Variants in METRNL observed in about 807,000 individuals in gnomAD.
The protein encoded by METRNL is meteorin like, glial cell differentiation regulator, also known as meteorin-like protein.
In METRNL, 9 loss-of-function variants were observed where a neutral mutation model predicts 17.4. The ratio of observed to expected loss-of-function variants is 0.52; its 90% CI spans 0.31 to 0.90. The LOEUF is 0.90. Among genes scored for constraint, METRNL ranks in the 40% least tolerant of loss-of-function variants. METRNL has a pLI of 0.05. For synonymous variants in METRNL, 215 were observed against 199.3 expected, an observed-to-expected ratio of 1.08 and a Z score of -0.66; for missense variants, 408 against 430.7, an observed-to-expected ratio of 0.95 and a Z score of 0.47.
intron 2 of METRNL, among the ~76,000 whole-genome samples, chr17:83,088,613 G>A (rs1194069846): frequency 6.6e-6 from 1 of 152,162 alleles, no homozygotes; most frequent in Non-Finnish European, 1.5e-5. Context: ...TGGGAGGGGA[G>A]GGGATGCTGC....
chr17:83,089,749 G>A (rs1316242774), intron 2 of METRNL, among the ~76,000 whole-genome samples: 1 of 152,054 alleles, frequency 6.6e-6, no homozygotes, highest in Non-Finnish European at 1.5e-5. Flanking sequence ...ATTGTCTCCC[G>A]GCGTCCACCG....
chr17:83,093,031 G>T, intron 2 of METRNL, 136 bp from the exon 3 acceptor site: 1 of 669,234 alleles, frequency 1.5e-6, no homozygotes, highest in Non-Finnish European at 2.6e-6. Flanking sequence ...AAGTGGCGTT[G>T]GTCACAAAGG....
intron 3 of METRNL, 99 bp from the exon 4 acceptor site, chr17:83,094,157 G>T: frequency 9.6e-7 from 1 of 1,037,684 alleles, no homozygotes; most frequent in East Asian, 2.7e-5. Context: ...TCAGCTGCCC[G>T]TTCCAGTGCC....
chr17:83,082,788 G>T (rs754585364), intron 1 of METRNL, among the ~76,000 whole-genome samples: 5 of 152,232 alleles, frequency 3.3e-5, no homozygotes, highest in Admixed American at 1.3e-4. Context: ...CTCGGACTTC[G>T]TGCCGAGGTC....
rs374882184 is a variant in METRNL at position 83,093,151 on chromosome 17, T to C, written c.557-16T>C. ...TCCCGTCCAGGCTGCTTCCTGACTC[T>C]GCCTTTCTTCTCCAGCGCCGTGCCG... On this transcript the variant is annotated splice_polypyrimidine_tract_variant and intron_variant, in intron 2 of 3. Coordinates refer to ENST00000320095, the MANE Select transcript of METRNL (RefSeq NM_001004431.3). 59 of 1,605,948 alleles carry C rather than the reference T, an allele frequency of 3.7e-5. No individual in the cohort carries two copies. In the African/African-American group the frequency reaches 7.2e-4, roughly 20 times the overall value.
intron 2 of METRNL, among the ~76,000 whole-genome samples, chr17:83,090,269 CA>C (rs2143643569): frequency 2.9e-5 from 1 of 34,578 alleles, no homozygotes; most frequent in African/African-American, 1.9e-4. Context: ...GAGCCACACA[CA>C]CCCCCGCCCT....
At position 83,085,175 on chromosome 17, in the gene METRNL, C is replaced by T; in HGVS notation, c.408C>T (p.Gly136=). 6.2e-7 allele frequency: 1 copy of T among 1,611,878 alleles called. No individual in the cohort carries two copies. The change falls in exon 2 of 4, where the codon GGC becomes GGT. Residue 136 remains glycine, a synonymous_variant. Transcript: ENST00000320095. ...GACTGCTGGTACCAGACGGGGACGG[C>T]AGGCCCGGCCGGGTGCAGTGTTTTG... The part of the protein sequence containing the change: ...ELRLLVPDGD[G]RPGRVQCFGL...
chr17:83,094,720 C>T lies in METRNL; in HGVS notation c.*145C>T, dbSNP rs559333544. On this transcript the variant is annotated 3_prime_UTR_variant, in exon 4 of 4. Transcript: ENST00000320095. ...CTGACCCTGGTACCGAAGCTGTGGA[C>T]GTTCTCGCCACACTCAACCCCATGA... 2.4e-5 allele frequency: 13 copies of T among 546,932 alleles called. No homozygotes were observed. The highest frequency in any genetic ancestry group is 8.9e-5 in the South Asian group (1 of 11,242). 33.9% of individuals were successfully genotyped at this position (546,932 alleles called of 1,614,324 possible).
intron 2 of METRNL, among the ~76,000 whole-genome samples, chr17:83,091,717 G>A (rs930102544): frequency 1.3e-5 from 2 of 152,198 alleles, no homozygotes; most frequent in Non-Finnish European, 1.5e-5. Flanking sequence ...CAGGGCCGGC[G>A]AACCCCAAGT....
intron 2 of METRNL, among the ~76,000 whole-genome samples, chr17:83,091,456 G>T (rs377253917): frequency 2.3e-4 from 35 of 152,210 alleles, no homozygotes; most frequent in Non-Finnish European, 3.4e-4. Context: ...CCAGTGCACC[G>T]TAGACTCCAG....
In METRNL at chr17:83,094,372, G is replaced by C; in HGVS notation, c.733G>C (p.Glu245Gln). ...QKSRVFEPVP[E>Q]GDGHWQGRVR... is the part of the protein sequence containing the mutation. Reference sequence around the variant, plus strand: ...AAGCAGGGTCTTCGAGCCGGTGCCCGAGGGTGACGGCCACTGGCAGGGGCG... The same window carrying C: ...AAGCAGGGTCTTCGAGCCGGTGCCCCAGGGTGACGGCCACTGGCAGGGGCG... Residue 245 changes from glutamate to glutamine, a missense_variant, in exon 4 of 4, where the codon GAG becomes CAG. Glu to Gln is a conservative substitution (Grantham distance 29). Coordinates refer to ENST00000320095, the MANE Select transcript of METRNL (RefSeq NM_001004431.3). The C allele has an allele frequency of 6.2e-7, 1 of 1,610,878 alleles. No individual in the cohort carries two copies. Among genetic ancestry groups the C allele is most frequent in the Non-Finnish European group, 8.5e-7 (1 of 1,178,538 alleles).
At chr17:83,093,845 C>G (rs1487814613) in intron 3 of METRNL, among the ~76,000 whole-genome samples, 1 of 152,224 alleles carries the variant, frequency 6.6e-6, no homozygotes, top group Admixed American at 6.5e-5. Flanking sequence ...GCTTTCCCGG[C>G]CCCTGGCATG....
In METRNL at chr17:83,092,152, G is replaced by C. The variant is rs142659758; in HGVS notation, c.557-1015G>C. Among the ~76,000 whole-genome samples, 270 of 152,348 alleles carry C rather than the reference G, an allele frequency of 1.8e-3. 1 individual carries two copies. The highest frequency in any genetic ancestry group is 3.1e-3 in the Non-Finnish European group (213 of 68,034). On this transcript the variant is annotated intron_variant, in intron 2 of 3. Transcript: ENST00000320095. ...CCCGCAGGGTTCAGGGGCTTCAGAG[G>C]GGGTTCTGTGAGCAGGGCTTGGCTT... is the stretch of plus-strand genomic sequence containing the variant.
At chr17:83,088,385 G>T (rs1040557388) in intron 2 of METRNL, among the ~76,000 whole-genome samples, 3 of 152,222 alleles carry the variant, frequency 2.0e-5, no homozygotes. Flanking sequence ...GTGGGTGGGG[G>T]CTGTCTGGTT....
chr17:83,088,754 C>T (rs1395630427), intron 2 of METRNL, among the ~76,000 whole-genome samples: 1 of 152,066 alleles, frequency 6.6e-6, no homozygotes, highest in Non-Finnish European at 1.5e-5. Flanking sequence ...AGGTGAATGA[C>T]CAGCTCGGCG....
intron 2 of METRNL, among the ~76,000 whole-genome samples, chr17:83,088,967 G>A (rs1248491412): frequency 6.6e-6 from 1 of 152,116 alleles, no homozygotes; most frequent in African/African-American, 2.4e-5. Flanking sequence ...TCCGGCCACT[G>A]TAATTTTCAT....
chr17:83,091,988 C>A (rs141748772), intron 2 of METRNL, among the ~76,000 whole-genome samples: 10 of 152,340 alleles, frequency 6.6e-5, no homozygotes, highest in South Asian at 2.1e-4. Context: ...GTGGCCCGCC[C>A]ATCTAAGAAA....
At chr17:83,080,347 G>A (rs2037968433) in intron 1 of METRNL, 1 of 150,328 alleles carries the variant, frequency 6.7e-6, no homozygotes, top group Middle Eastern at 3.5e-3. Flanking sequence ...GGAGTTGCGC[G>A]CCCCGAGGCC....
intron 3 of METRNL, 75 bp downstream of exon 3, chr17:83,093,301 T>G (rs1422030927): frequency 1.5e-6 from 2 of 1,294,810 alleles, no homozygotes; most frequent in African/African-American, 1.4e-5. Flanking sequence ...GGCCCAGGAG[T>G]CCCTCTTCAG....
Sources: allele counts gnomAD v4.1 joint callset (sites outside exome capture counted in the v4.1 genomes callset), GRCh38; gene constraint gnomAD v4.1.1; transcripts MANE v1.5; gene names NCBI Gene and HGNC (gene_info 2026-07-23, HGNC 2026-07-21).